The following LRMDA variants were observed in gnomAD, a reference collection of about 807,000 sequenced individuals.
LRMDA encodes the protein leucine rich melanocyte differentiation associated, also known as leucine-rich melanocyte differentiation-associated protein.
Under a neutral mutation model 29.8 loss-of-function variants are expected in LRMDA, and 18 were observed. The ratio of observed to expected loss-of-function variants is 0.60; its 90% CI spans 0.42 to 0.90. The LOEUF (loss-of-function observed/expected upper bound fraction) is 0.90. Among genes scored for constraint, LRMDA ranks in the 40% least tolerant of loss-of-function variants. The probability of loss-of-function intolerance (pLI) is 0.00; values close to 1 mark genes in which losing one functional copy is unlikely to be tolerated. For missense variants in LRMDA, 273 were observed against 273.9 expected, an observed-to-expected ratio of 1.00 and a Z score of 0.02; for synonymous variants, 125 against 109.4, an observed-to-expected ratio of 1.14 and a Z score of -0.89.
rs76493727 is a variant in LRMDA at position 75,439,235 on chromosome 10, G to C, written c.131+741G>C. On this transcript the variant is annotated intron_variant, in intron 2 of 6. Coordinates refer to ENST00000611255, the MANE Select transcript of LRMDA (RefSeq NM_001305581.2). ...TGGAAAGCAGGTGTCAGTGGGATAA[G>C]AGCAGGGGTCAGGCAGGACGATTGC... Among the ~76,000 whole-genome samples the C allele has an allele frequency of 4.6e-3, 702 of 152,328 alleles. 6 individuals are homozygous for C. Among genetic ancestry groups the C allele is most frequent in the African/African-American group, 0.016 (664 of 41,562 alleles).
rs538592852 is a variant in LRMDA, at chr10:75,881,141, A to C, written c.132-154867A>C. Among the ~76,000 whole-genome samples the C allele has an allele frequency of 3.2e-4, 49 of 152,204 alleles. 1 individual carries two copies. The highest frequency in any genetic ancestry group is 6.8e-3 in the Middle Eastern group (2 of 292). On this transcript the variant is annotated intron_variant, in intron 2 of 6. Transcript: ENST00000611255. The stretch of plus-strand genomic sequence containing the variant: ...GCTAATTTTTCCCATAGTCATGGAG[A>C]GGAAGTGGTCAGTATGTATGGATAC...
chr10:76,407,396 AAC>A (rs1841913809), intron 6 of LRMDA, among the ~76,000 whole-genome samples: 1 of 152,196 alleles, frequency 6.6e-6, no homozygotes, highest in Non-Finnish European at 1.5e-5. Flanking sequence ...GAGGAGTTGG[AAC>A]ACACAATCTG....
chr10:76,262,664 T>C (rs763773014), intron 5 of LRMDA, among the ~76,000 whole-genome samples: 14 of 152,184 alleles, frequency 9.2e-5, no homozygotes, highest in Non-Finnish European at 1.8e-4. Context: ...GTTTGGGGAA[T>C]GGGCACTAAC....
rs548244530 is a variant in LRMDA, at chr10:75,694,056, T to A, written c.131+255562T>A. 1.2e-4 allele frequency among the ~76,000 whole-genome samples: 18 copies of A among 152,288 alleles called. No individual in the cohort carries two copies. The South Asian group carries it at 3.5e-3, about 30-fold the overall frequency. ...AATGCAAAATGCATTGTGATTATGATATGTAGAGGAAAAAAATGTTTGACA... is the reference window on the plus strand; with the variant it reads ...AATGCAAAATGCATTGTGATTATGAAATGTAGAGGAAAAAAATGTTTGACA... On this transcript the variant is annotated intron_variant, in intron 2 of 6. Coordinates refer to ENST00000611255, the MANE Select transcript of LRMDA (RefSeq NM_001305581.2).
At chr10:76,520,522 AT>A (rs1250383289) in intron 6 of LRMDA, among the ~76,000 whole-genome samples, 7 of 152,230 alleles carry the variant, frequency 4.6e-5, no homozygotes, top group South Asian at 2.1e-4. Flanking sequence ...TCTCTGATAT[AT>A]TTTTTTAATA....
intron 5 of LRMDA, among the ~76,000 whole-genome samples, chr10:76,310,501 C>T (rs990949884): frequency 7.2e-5 from 11 of 152,066 alleles, no homozygotes; most frequent in African/African-American, 2.2e-4. Flanking sequence ...CCCTCCCATG[C>T]GGTTCATGCT....
intron 2 of LRMDA, among the ~76,000 whole-genome samples, chr10:75,697,912 T>C (rs913450363): frequency 3.2e-4 from 49 of 152,062 alleles, no homozygotes; most frequent in African/African-American, 1.1e-3. Flanking sequence ...TATCATTGCA[T>C]GGCTAACACC....
Position 76,012,828 on chromosome 10 carries a change from T to G in LRMDA, c.132-23180T>G, listed in dbSNP as rs1295288243. On this transcript the variant is annotated intron_variant, in intron 2 of 6. Transcript: ENST00000611255. The stretch of plus-strand genomic sequence containing the variant: ...AAGCTGAGGCGCTTCTTTCGGGATA[T>G]AAGCCCATGCAGTCTCAACAGGTCA... 2.0e-5 allele frequency among the ~76,000 whole-genome samples: 3 copies of G among 152,294 alleles called. No homozygotes were observed. The South Asian group carries it at 6.2e-4, about 32-fold the overall frequency.
At chr10:75,869,415 G>A (rs1010095093) in intron 2 of LRMDA, among the ~76,000 whole-genome samples, 5 of 152,110 alleles carry the variant, frequency 3.3e-5, no homozygotes, top group Non-Finnish European at 7.4e-5. Flanking sequence ...ATTTCTATAT[G>A]GATATATCAA....
intron 6 of LRMDA, among the ~76,000 whole-genome samples, chr10:76,471,639 TA>T (rs1274246823): frequency 2.0e-5 from 3 of 151,370 alleles, no homozygotes; most frequent in Admixed American, 2.0e-4. Context: ...TCAGAATGGA[TA>T]AAAAAACAAA....
intron 6 of LRMDA, among the ~76,000 whole-genome samples, chr10:76,340,930 T>G (rs556962848): frequency 2.5e-4 from 38 of 152,294 alleles, no homozygotes; most frequent in Admixed American, 7.2e-4. Flanking sequence ...AATTACTCAG[T>G]TTTGCCCTAA....
chr10:75,588,192 G>C (rs373838723), intron 2 of LRMDA, among the ~76,000 whole-genome samples: 2 of 152,282 alleles, frequency 1.3e-5, no homozygotes, highest in East Asian at 3.9e-4. Flanking sequence ...GGATATCAGA[G>C]GTGTGAAGTG....
intron 2 of LRMDA, among the ~76,000 whole-genome samples, chr10:75,798,839 A>G (rs1190203290): frequency 2.0e-5 from 3 of 152,116 alleles, no homozygotes; most frequent in East Asian, 1.9e-4. Context: ...TATACATTAC[A>G]TGTTTTGAAG....
intron 2 of LRMDA, among the ~76,000 whole-genome samples, chr10:75,440,867 C>G (rs1844318668): frequency 6.6e-6 from 1 of 152,094 alleles, no homozygotes; most frequent in South Asian, 2.1e-4. Context: ...GAAATCCTGT[C>G]TCTACTAAAA....
rs565154673 is a variant in LRMDA, at chr10:75,879,349, C to T, written c.132-156659C>T. Among the ~76,000 whole-genome samples the T allele has an allele frequency of 2.0e-5, 3 of 152,334 alleles. No homozygotes were observed. The East Asian group carries it at 5.8e-4, about 29-fold the overall frequency. ...GTACCTTTGCCCTTAGAAACTCTCT[C>T]TTCCCACCACCAGGTTCCTACCACA... On this transcript the variant is annotated intron_variant, in intron 2 of 6. Coordinates refer to ENST00000611255, the MANE Select transcript of LRMDA (RefSeq NM_001305581.2).
At chr10:75,714,708 C>T (rs533284062) in intron 2 of LRMDA, among the ~76,000 whole-genome samples, 1 of 152,236 alleles carries the variant, frequency 6.6e-6, no homozygotes, top group African/African-American at 2.4e-5. Context: ...CTGTGAGAAA[C>T]TTTGATCTAA....
chr10:76,175,769 C>G (rs1342541909), intron 5 of LRMDA, among the ~76,000 whole-genome samples: 1 of 152,222 alleles, frequency 6.6e-6, no homozygotes, highest in Non-Finnish European at 1.5e-5. Context: ...AACAATCTAT[C>G]TCGGAGACAG....
At chr10:76,461,339 C>G (rs1842509845) in intron 6 of LRMDA, among the ~76,000 whole-genome samples, 1 of 152,140 alleles carries the variant, frequency 6.6e-6, no homozygotes, top group African/African-American at 2.4e-5. Flanking sequence ...CTCTGTTGAA[C>G]TTCACTGCCA....
At position 75,561,344 on chromosome 10, in the gene LRMDA, G is replaced by A. The variant is rs542838607; in HGVS notation, c.131+122850G>A. On this transcript the variant is annotated intron_variant, in intron 2 of 6. Coordinates refer to ENST00000611255, the MANE Select transcript of LRMDA (RefSeq NM_001305581.2). The stretch of plus-strand genomic sequence containing the variant: ...CGTAGAGGTGTTTGTAGTATTCTCT[G>A]ATGGTAGTTTGTATTTCTGTGGGAT... Among the ~76,000 whole-genome samples the A allele has an allele frequency of 1.3e-3, 200 of 148,496 alleles. 1 individual carries two copies. The highest frequency in any genetic ancestry group is 2.6e-3 in the Non-Finnish European group (170 of 66,488).
Sources: gnomAD v4.1 joint callset for allele counts (sites outside exome capture counted in the v4.1 genomes callset) on GRCh38, gnomAD v4.1.1 for gene constraint, MANE v1.5 for transcripts, NCBI Gene and HGNC (gene_info 2026-07-23, HGNC 2026-07-21) for gene names.